CFDP1: variants seen among roughly 807,000 people sequenced by gnomAD.
The protein encoded by CFDP1 is heterochromatin-stabilizing protein CFDP1.
In CFDP1, 31 loss-of-function variants were observed where a neutral mutation model predicts 40.1. That is an observed-to-expected ratio of 0.77 (90% CI 0.58 to 1.04). The LOEUF (loss-of-function observed/expected upper bound fraction) is 1.04, where lower values mean the gene tolerates loss of function less well. CFDP1 is among the 50% of genes least tolerant of loss of function. CFDP1 has a pLI of 0.00. For missense variants in CFDP1, 423 were observed against 343.4 expected, an observed-to-expected ratio of 1.23 and a Z score of -1.83; for synonymous variants, 167 against 120.0, an observed-to-expected ratio of 1.39 and a Z score of -2.56.
At chr16:75,408,636 C>T (rs1266829739) in intron 4 of CFDP1, among the ~76,000 whole-genome samples, 3 of 151,630 alleles carry the variant, frequency 2.0e-5, no homozygotes, top group African/African-American at 7.3e-5. Context: ...AATTAGCTGG[C>T]ACGCTGGCAG....
rs373740024 is a variant in CFDP1, at chr16:75,363,508, G to A, written c.650+31582C>T. On this transcript the variant is annotated intron_variant, in intron 5 of 6. Transcript: ENST00000283882. ...CCTCCTGGGTTCAAGGGATTCTCCT[G>A]CCTCAGCCTCCCGAGTAGCTGGGAT... Among the ~76,000 whole-genome samples, 30 of 151,770 alleles carry A rather than the reference G, an allele frequency of 2.0e-4. No homozygotes were observed. The East Asian group carries it at 4.3e-3, about 22-fold the overall frequency.
rs2078318593 is a variant in CFDP1, at chr16:75,315,493, C to T, written c.651-10311G>A. Among the ~76,000 whole-genome samples the T allele has an allele frequency of 2.6e-5, 4 of 152,060 alleles. No individual in the cohort carries two copies. The South Asian group carries it at 8.3e-4, about 32-fold the overall frequency. ...TTTTTGTAACCTTAAGGTGGTAACT[C>T]AGAAGGGTTATGTACAAGAATTCCA... On this transcript the variant is annotated intron_variant, in intron 5 of 6. Transcript: ENST00000283882.
intron 5 of CFDP1, among the ~76,000 whole-genome samples, chr16:75,357,655 G>A (rs2078653586): frequency 6.6e-6 from 1 of 152,132 alleles, no homozygotes; most frequent in African/African-American, 2.4e-5. Context: ...GAATTGAAGG[G>A]TTAAGGCCTT....
intron 5 of CFDP1, among the ~76,000 whole-genome samples, chr16:75,374,772 G>A (rs1237046599): frequency 6.6e-6 from 1 of 152,134 alleles, no homozygotes; most frequent in Non-Finnish European, 1.5e-5. Flanking sequence ...AACCCAATAT[G>A]TCAGAAATGT....
chr16:75,405,919 C>CAA (rs113081758), intron 4 of CFDP1, among the ~76,000 whole-genome samples: 2 of 115,994 alleles, frequency 1.7e-5, no homozygotes, highest in Admixed American at 1.8e-4. Context: ...ACCCCGTCTC[C>CAA]AAAAAAAAAA....
At chr16:75,315,024 T>C (rs760713174) in intron 5 of CFDP1, among the ~76,000 whole-genome samples, 44 of 152,136 alleles carry the variant, frequency 2.9e-4, no homozygotes, top group Admixed American at 1.1e-3. Context: ...AGTGCAGAGA[T>C]TACAGGTGTG....
chr16:75,355,090 A>C (rs114158252), intron 5 of CFDP1, among the ~76,000 whole-genome samples: 110 of 152,362 alleles, frequency 7.2e-4, no homozygotes, highest in African/African-American at 2.0e-3. Context: ...AACAATGTAC[A>C]GATCTTCATT....
At chr16:75,407,754 C>G (rs1341363974) in intron 4 of CFDP1, among the ~76,000 whole-genome samples, 1 of 150,746 alleles carries the variant, frequency 6.6e-6, no homozygotes, top group Non-Finnish European at 1.5e-5. Flanking sequence ...GTAATTATAA[C>G]TTGACGGGAT....
intron 5 of CFDP1, among the ~76,000 whole-genome samples, chr16:75,346,365 C>T (rs994739388): frequency 4.7e-4 from 71 of 151,976 alleles, no homozygotes; most frequent in Admixed American, 1.9e-3. Flanking sequence ...AGGTGGATCA[C>T]GAGGTCAGGA....
chr16:75,309,132 T>G (rs2078276852), intron 5 of CFDP1, among the ~76,000 whole-genome samples: 1 of 152,160 alleles, frequency 6.6e-6, no homozygotes. Flanking sequence ...GACCAGCAGC[T>G]TCTTCCTAGA....
At chr16:75,426,777 G>A (rs556777236) in intron 1 of CFDP1, among the ~76,000 whole-genome samples, 4 of 152,188 alleles carry the variant, frequency 2.6e-5, no homozygotes, top group African/African-American at 7.2e-5. Flanking sequence ...CAAAGGAGCC[G>A]GGGGTGGTGA....
At chr16:75,418,601 G>A (rs898622718) in intron 1 of CFDP1, among the ~76,000 whole-genome samples, 25 of 152,064 alleles carry the variant, frequency 1.6e-4, no homozygotes, top group Non-Finnish European at 1.0e-4. Flanking sequence ...GAGCCAACGC[G>A]CCCGGCTAAC....
At position 75,349,698 on chromosome 16, in the gene CFDP1, T is replaced by TATATATATATATAC. The variant is rs146824267; in HGVS notation, c.651-44517_651-44516insGTATATATATATAT. Among the ~76,000 whole-genome samples the TATATATATATATAC allele has an allele frequency of 7.7e-4, 37 of 47,894 alleles. 3 individuals carry two copies. The highest frequency in any genetic ancestry group is 2.8e-3 in the African/African-American group (26 of 9,170). 31.4% of individuals were successfully genotyped at this position (47,894 alleles called of 152,430 possible). On this transcript the variant is annotated intron_variant, in intron 5 of 6. Coordinates refer to ENST00000283882, the MANE Select transcript of CFDP1 (RefSeq NM_006324.3). ...AAAAAAAAAAAAAAAAAAATATATA[T>TATATATATATATAC]ACATACATATATACGGTTGATTTTT...
At chr16:75,296,539 T>G (rs906086149) in intron 6 of CFDP1, among the ~76,000 whole-genome samples, 4 of 152,216 alleles carry the variant, frequency 2.6e-5, no homozygotes, top group Non-Finnish European at 5.9e-5. Flanking sequence ...CAGCCCTGAC[T>G]TTCCTGTAAA....
chr16:75,352,563 T>C (rs1287182658), intron 5 of CFDP1, among the ~76,000 whole-genome samples: 4 of 152,170 alleles, frequency 2.6e-5, no homozygotes, highest in Non-Finnish European at 2.9e-5. Flanking sequence ...AGTGTATCTC[T>C]ATCTTTTTAA....
At chr16:75,399,799 T>C (rs2079032819) in intron 4 of CFDP1, among the ~76,000 whole-genome samples, 1 of 151,960 alleles carries the variant, frequency 6.6e-6, no homozygotes, top group Non-Finnish European at 1.5e-5. Flanking sequence ...ACCCTAACTC[T>C]ACAAAAAATT....
intron 1 of CFDP1, among the ~76,000 whole-genome samples, chr16:75,418,193 C>T (rs1056519117): frequency 8.4e-6 from 1 of 119,648 alleles, no homozygotes. Flanking sequence ...GCGGAGGTTG[C>T]GATGAGCTGA....
At chr16:75,375,897 T>G (rs953302759) in intron 5 of CFDP1, among the ~76,000 whole-genome samples, 1 of 152,164 alleles carries the variant, frequency 6.6e-6, no homozygotes, top group Admixed American at 6.5e-5. Context: ...ACAACCATCT[T>G]GAGGAACTGT....
intron 5 of CFDP1, among the ~76,000 whole-genome samples, chr16:75,383,273 C>T (rs983768768): frequency 1.3e-5 from 2 of 152,192 alleles, no homozygotes; most frequent in Non-Finnish European, 2.9e-5. Context: ...GCTGCTCAGC[C>T]TCTCCCAAAA....
Sources: gnomAD v4.1 joint callset for allele counts (sites outside exome capture counted in the v4.1 genomes callset) on GRCh38, gnomAD v4.1.1 for gene constraint, MANE v1.5 for transcripts, NCBI Gene and HGNC (gene_info 2026-07-23, HGNC 2026-07-21) for gene names.